LINGO2: variants seen among roughly 807,000 people sequenced by gnomAD.
LINGO2 encodes leucine-rich repeat and immunoglobulin-like domain-containing nogo receptor-interacting protein 2.
A neutral mutation model predicts 30.6 loss-of-function variants in LINGO2; 14 were observed. The observed-to-expected ratio is 0.46, with a 90% CI of 0.30 to 0.72. The LOEUF (loss-of-function observed/expected upper bound fraction) is 0.72, where lower values mean the gene tolerates loss of function less well. LINGO2 is among the 30% of genes least tolerant of loss of function. LINGO2 has a pLI of 0.07. For synonymous variants in LINGO2, 317 were observed against 288.5 expected (o/e 1.10, Z -1.00); for missense variants, 729 against 751.7 (o/e 0.97, Z 0.35).
At chr9:28,466,270 G>C (rs749716344) in intron 2 of LINGO2, among the ~76,000 whole-genome samples, 2 of 152,160 alleles carry the variant, frequency 1.3e-5, no homozygotes, top group Non-Finnish European at 2.9e-5. Flanking sequence ...ACACAGTGAA[G>C]TACTATTCAG....
chr9:28,093,263 C>T (rs1826149641), intron 4 of LINGO2, among the ~76,000 whole-genome samples: 1 of 152,036 alleles, frequency 6.6e-6, no homozygotes, highest in African/African-American at 2.4e-5. Context: ...ATTTCCTTGT[C>T]ACAGAGCTGC....
At chr9:28,726,822 T>C in the LINGO2 span, among the ~76,000 whole-genome samples, 1 of 152,192 alleles carries the variant, frequency 6.6e-6, no homozygotes, top group African/African-American at 2.4e-5. Context: ...GAAAGTCATA[T>C]ATTTGTTATA....
intron 1 of LINGO2, among the ~76,000 whole-genome samples, chr9:28,586,915 G>C (rs1824572217): frequency 6.6e-6 from 1 of 151,972 alleles, no homozygotes; most frequent in African/African-American, 2.4e-5. Flanking sequence ...AAGCCATTCA[G>C]GGGCTTTTCA....
At chr9:28,090,783 T>C (rs1826056868) in intron 4 of LINGO2, among the ~76,000 whole-genome samples, 3 of 152,184 alleles carry the variant, frequency 2.0e-5, no homozygotes, top group African/African-American at 7.2e-5. Context: ...TTGTCCCTGT[T>C]TGCAGATGAC....
At chr9:28,206,336 T>C (rs1820410479) in intron 4 of LINGO2, among the ~76,000 whole-genome samples, 1 of 152,082 alleles carries the variant, frequency 6.6e-6, no homozygotes, top group Non-Finnish European at 1.5e-5. Context: ...CCAAGAGTAG[T>C]ATGTCTTCTC....
At chr9:28,067,946 A>T (rs1000536280) in intron 4 of LINGO2, among the ~76,000 whole-genome samples, 1 of 152,120 alleles carries the variant, frequency 6.6e-6, no homozygotes, top group African/African-American at 2.4e-5. Context: ...CTGTTAATAC[A>T]GTTAAATTCC....
intron 4 of LINGO2, among the ~76,000 whole-genome samples, chr9:28,074,563 T>C (rs1270641984): frequency 6.6e-6 from 1 of 152,138 alleles, no homozygotes; most frequent in African/African-American, 2.4e-5. Context: ...GTTCAAGTCA[T>C]ATACCAGAGG....
the LINGO2 span, among the ~76,000 whole-genome samples, chr9:28,891,893 T>A: frequency 6.6e-6 from 1 of 151,904 alleles, no homozygotes; most frequent in Non-Finnish European, 1.5e-5. Flanking sequence ...GTAAGGCACT[T>A]AAAAGTTTAT....
At chr9:28,878,112 G>C in the LINGO2 span, among the ~76,000 whole-genome samples, 4 of 152,102 alleles carry the variant, frequency 2.6e-5, no homozygotes, top group African/African-American at 4.8e-5. Context: ...AAGAAAAAAT[G>C]AGAGAAGAAT....
intron 2 of LINGO2, among the ~76,000 whole-genome samples, chr9:28,464,125 G>C (rs1375228801): frequency 1.3e-5 from 2 of 152,110 alleles, no homozygotes; most frequent in African/African-American, 2.4e-5. Context: ...TCTATGGTAT[G>C]AATTATTATT....
rs941403082 is a variant in LINGO2 at position 28,147,802 on chromosome 9, C to T, written c.-86-135397G>A. On this transcript the variant is annotated intron_variant, in intron 4 of 5. Coordinates refer to ENST00000379992, the Ensembl canonical transcript of LINGO2. This position sits in a 1 kb window ranked among gnomAD's most constrained non-coding sequence, Gnocchi z 4.7. The stretch of plus-strand genomic sequence containing the variant: ...GGTCTCACCCTTTGCCCTTTGACTC[C>T]TCTTGTAGGCACCCTCGCTGGGCTC... Among the ~76,000 whole-genome samples the T allele has an allele frequency of 6.6e-6, 1 of 152,166 alleles. No homozygotes were observed. Among genetic ancestry groups the T allele is most frequent in the African/African-American group, 2.4e-5 (1 of 41,444 alleles).
chr9:28,074,367 AT>A (rs1351655770), intron 4 of LINGO2, among the ~76,000 whole-genome samples: 1 of 152,196 alleles, frequency 6.6e-6, no homozygotes, highest in African/African-American at 2.4e-5. Flanking sequence ...ATATGATCAA[AT>A]TTTAGCATGT....
At chr9:28,209,775 C>A (rs1238856105) in intron 4 of LINGO2, among the ~76,000 whole-genome samples, 1 of 151,412 alleles carries the variant, frequency 6.6e-6, no homozygotes, top group African/African-American at 2.4e-5. Flanking sequence ...TGCAGTAATA[C>A]CATGGCAAGG....
chr9:27,991,079 A>T (rs1428483214), intron 5 of LINGO2, among the ~76,000 whole-genome samples: 3 of 152,050 alleles, frequency 2.0e-5, no homozygotes, highest in Non-Finnish European at 2.9e-5. Context: ...AAAAAAAGGG[A>T]AGGGTACTCT....
chr9:28,993,042 C>G, the LINGO2 span, among the ~76,000 whole-genome samples: 2 of 151,878 alleles, frequency 1.3e-5, no homozygotes, highest in African/African-American at 2.4e-5. Context: ...AATAGAGACA[C>G]AAAAAACCCT....
chr9:28,741,917 AG>A, the LINGO2 span, among the ~76,000 whole-genome samples: 1 of 151,740 alleles, frequency 6.6e-6, no homozygotes, highest in Non-Finnish European at 1.5e-5. Context: ...GCCTTGGGTC[AG>A]CCTGGTTAGC....
At chr9:28,153,833 T>TG (rs34224680) in intron 4 of LINGO2, among the ~76,000 whole-genome samples, 8 of 152,118 alleles carry the variant, frequency 5.3e-5, no homozygotes, top group African/African-American at 1.2e-4. Context: ...ACAGTACAGA[T>TG]GGGGGGGATA....
At chr9:28,201,042 G>T (rs1820212602) in intron 4 of LINGO2, among the ~76,000 whole-genome samples, 5 of 143,666 alleles carry the variant, frequency 3.5e-5, no homozygotes, top group Admixed American at 7.0e-5. Context: ...AAATCATACT[G>T]CTCTCCTTGA....
intron 5 of LINGO2, among the ~76,000 whole-genome samples, chr9:28,008,462 T>G (rs1822380073): frequency 7.0e-6 from 1 of 142,576 alleles, no homozygotes; most frequent in South Asian, 2.4e-4. Flanking sequence ...GCACTGAAGA[T>G]TCTACTCAAG....
Sources: gnomAD v4.1 joint callset for allele counts (sites outside exome capture counted in the v4.1 genomes callset) on GRCh38, gnomAD v4.1.1 for gene constraint, Gnocchi (gnomAD v3.1) non-coding constraint, MANE v1.5 for transcripts, NCBI Gene and HGNC (gene_info 2026-07-23, HGNC 2026-07-21) for gene names.